Variants in GPR55 observed in about 807,000 individuals in gnomAD.
GPR55 encodes the protein G-protein coupled receptor 55.
In GPR55, 6 loss-of-function variants were observed where a neutral mutation model predicts 7.9. The observed-to-expected ratio is 0.76, with a 90% confidence interval of 0.41 to 1.49. GPR55 has a LOEUF of 1.49. Ranked by LOEUF, GPR55 falls within the 40% of genes most tolerant of loss-of-function variation. The pLI, the probability that GPR55 is intolerant of heterozygous loss-of-function variation, is 0.01. For missense variants in GPR55, 376 were observed against 406.0 expected (o/e 0.93, Z 0.63); for synonymous variants, 183 against 166.8 (o/e 1.10, Z -0.75).
In GPR55 at chr2:230,907,483, C is replaced by G. The variant is rs1690476374; in HGVS notation, c.*2520G>C. On this transcript the variant is annotated 3_prime_UTR_variant, in exon 2 of 2. Transcript: ENST00000650999. ...CCAAACTCTCGGCCCTCCTGCCGAG[C>G]AGCCGTAGTGGCCTGCAGCATGGAC... The G allele has an allele frequency of 6.6e-6, 1 of 152,276 alleles. No individual in the cohort carries two copies. The highest frequency in any genetic ancestry group is 6.5e-5 in the Admixed American group (1 of 15,288). 9.4% of individuals were successfully genotyped at this position (152,276 alleles called of 1,614,324 possible). A position where few individuals can be genotyped will look rare whatever the true frequency, so the allele number is the denominator to read the frequency against.
At chr2:230,949,760 GCCAACCAT>G (rs1437688722) in intron 1 of GPR55, among the ~76,000 whole-genome samples, 2 of 152,126 alleles carry the variant, frequency 1.3e-5, no homozygotes, top group African/African-American at 4.8e-5. Context: ...GATAGGAGAG[GCCAACCAT>G]CTTTCATAAA....
At chr2:230,953,165 G>A (rs1241375344) in intron 1 of GPR55, among the ~76,000 whole-genome samples, 1 of 152,010 alleles carries the variant, frequency 6.6e-6, no homozygotes, top group Admixed American at 6.6e-5. Flanking sequence ...GTGGTTGTGT[G>A]GATCCTGGAG....
rs111396929 is a variant in GPR55 at position 230,939,978 on chromosome 2, C to T, written c.-135+20797G>A. Among the ~76,000 whole-genome samples, 974 of 152,232 alleles carry T rather than the reference C, an allele frequency of 6.4e-3. 11 individuals carry two copies. The highest frequency in any genetic ancestry group is 0.021 in the African/African-American group (863 of 41,534). The stretch of plus-strand genomic sequence containing the variant: ...CAGCTAATCCTCCCACCCCAGGCAT[C>T]TCCTTGGCCTGCCACTGCCACCCCC... On this transcript the variant is annotated intron_variant, in intron 1 of 1. Transcript: ENST00000392039.
upstream of GPR55, chr2:230,928,388 C>T (rs1690977501): frequency 6.6e-6 from 1 of 152,254 alleles, no homozygotes; most frequent in Non-Finnish European, 1.5e-5. Flanking sequence ...CGCCACTCCC[C>T]ACAAAGCAGC....
upstream of GPR55, among the ~76,000 whole-genome samples, chr2:230,926,379 C>T (rs1321193244): frequency 3.9e-5 from 6 of 152,230 alleles, no homozygotes; most frequent in Non-Finnish European, 5.9e-5. Context: ...CAAGACAGGG[C>T]ACAGGGCAGT....
At chr2:230,926,314 A>G (rs1259248030), upstream of GPR55, among the ~76,000 whole-genome samples, 2 of 152,216 alleles carry the variant, frequency 1.3e-5, no homozygotes, top group Non-Finnish European at 2.9e-5. Flanking sequence ...TGCGATGGGC[A>G]GTGCCAAGTC....
intron 1 of GPR55, among the ~76,000 whole-genome samples, chr2:230,912,101 A>G (rs369168920): frequency 1.3e-5 from 2 of 152,068 alleles, no homozygotes; most frequent in East Asian, 1.9e-4. Flanking sequence ...CCCTCTCCCC[A>G]CATGTGAGGC....
upstream of GPR55, among the ~76,000 whole-genome samples, chr2:230,925,472 C>T (rs538522269): frequency 2.0e-4 from 30 of 152,116 alleles, no homozygotes; most frequent in African/African-American, 6.8e-4. Flanking sequence ...GCCCCCCTCC[C>T]GCAGCTCCAA....
intron 1 of GPR55, among the ~76,000 whole-genome samples, chr2:230,912,150 A>G (rs1690607455): frequency 6.6e-6 from 1 of 152,176 alleles, no homozygotes; most frequent in African/African-American, 2.4e-5. Context: ...GGCCTTAGAC[A>G]TGGAATGTGC....
intron 1 of GPR55, among the ~76,000 whole-genome samples, chr2:230,920,159 A>C (rs1690801197): frequency 6.6e-6 from 1 of 151,988 alleles, no homozygotes; most frequent in Non-Finnish European, 1.5e-5. Context: ...GAGATTAAAA[A>C]AATATATATA....
chr2:230,910,581 G>A lies in GPR55; in HGVS notation c.382C>T (p.Leu128=), dbSNP rs373338176. The part of the protein sequence containing the change: ...DRFLAIRYPL[L]VSHLRSPRKI... ...CTGGGGGACCGGAGGTGGCTCACCA[G>A]TAGCGGGTAACGGATGGCCAAGAAC... is the stretch of plus-strand genomic sequence containing the variant. Residue 128 remains leucine (L), a synonymous_variant, in exon 2 of 2, where the codon CTG becomes TTG. Coordinates refer to ENST00000650999, the MANE Select transcript of GPR55 (RefSeq NM_005683.4). This position sits in a 1 kb window ranked among gnomAD's most constrained non-coding sequence, Gnocchi z 5.4. 4.3e-6 allele frequency: 7 copies of A among 1,613,896 alleles called. No individual in the cohort carries two copies. The highest frequency in any genetic ancestry group is 5.9e-6 in the Non-Finnish European group (7 of 1,179,930).
chr2:230,935,922 T>C (rs895140066), intron 1 of GPR55, among the ~76,000 whole-genome samples: 1 of 152,186 alleles, frequency 6.6e-6, no homozygotes, highest in Non-Finnish European at 1.5e-5. Flanking sequence ...TATTTTAGAT[T>C]TTGGACTTTT....
chr2:230,927,853 C>T (rs957729151), upstream of GPR55, among the ~76,000 whole-genome samples: 5 of 152,260 alleles, frequency 3.3e-5, no homozygotes, highest in African/African-American at 4.8e-5. Context: ...GCCCTGCCCT[C>T]GTGGGGCATC....
In GPR55 at chr2:230,944,868, T is replaced by C. The variant is rs1183515498; in HGVS notation, c.-135+15907A>G. Among the ~76,000 whole-genome samples the C allele has an allele frequency of 3.9e-5, 6 of 152,270 alleles. No individual in the cohort carries two copies. Among genetic ancestry groups the C allele is most frequent in the Non-Finnish European group, 8.8e-5 (6 of 68,048 alleles). On this transcript the variant is annotated intron_variant, in intron 1 of 1. Transcript: ENST00000392039. The surrounding 1 kb of genome is among the most constrained non-coding windows in gnomAD (Gnocchi z 4.2). ...TTGTTCAGCCCTCCAAGAATCATTC[T>C]TGATGCCCTGCAAATACCAGGCGCT...
At chr2:230,937,343 TC>T (rs1691147398) in intron 1 of GPR55, among the ~76,000 whole-genome samples, 1 of 151,198 alleles carries the variant, frequency 6.6e-6, no homozygotes, top group African/African-American at 2.5e-5. Flanking sequence ...AGTTAGAGGC[TC>T]CCGTGAGTCG....
At chr2:230,958,199 A>T (rs768008487) in intron 1 of GPR55, among the ~76,000 whole-genome samples, 4 of 152,254 alleles carry the variant, frequency 2.6e-5, no homozygotes, top group Non-Finnish European at 5.9e-5. Flanking sequence ...CTGTTATCAC[A>T]TCAGCAGGCA....
intron 1 of GPR55, among the ~76,000 whole-genome samples, chr2:230,949,842 T>TA (rs112798427): frequency 1.3e-5 from 2 of 152,020 alleles, no homozygotes; most frequent in African/African-American, 4.8e-5. Flanking sequence ...TAAATTTATT[T>TA]TTTTTTTTTG....
intron 1 of GPR55, among the ~76,000 whole-genome samples, chr2:230,941,420 C>T (rs528374774): frequency 3.9e-5 from 6 of 152,222 alleles, no homozygotes; most frequent in Non-Finnish European, 7.3e-5. Context: ...GGCCTGCCCC[C>T]GCTCCCAGAC....
chr2:230,930,206 G>A (rs1488401017), upstream of GPR55, among the ~76,000 whole-genome samples: 1 of 152,210 alleles, frequency 6.6e-6, no homozygotes, highest in Non-Finnish European at 1.5e-5. Context: ...TCAGGGACAC[G>A]GGGATAGGAG....
Sources: allele counts gnomAD v4.1 joint callset (sites outside exome capture counted in the v4.1 genomes callset), GRCh38; gene constraint gnomAD v4.1.1; non-coding constraint Gnocchi (gnomAD v3.1); transcripts MANE v1.5; gene names NCBI Gene and HGNC (gene_info 2026-07-23, HGNC 2026-07-21).